Variants in MTRR observed in about 807,000 individuals in gnomAD.
The protein encoded by MTRR is 5-methyltetrahydrofolate-homocysteine methyltransferase reductase, also known as methionine synthase reductase.
Under a neutral mutation model 79.2 loss-of-function variants are expected in MTRR, and 63 were observed. That is an observed-to-expected ratio of 0.80 (90% confidence interval 0.65 to 0.98). MTRR has a LOEUF of 0.98. Among genes scored for constraint, MTRR ranks in the 50% least tolerant of loss-of-function variants. The probability of loss-of-function intolerance (pLI) is 0.00; values close to 1 mark genes in which losing one functional copy is unlikely to be tolerated. For synonymous variants in MTRR, 355 were observed against 313.3 expected (o/e 1.13, Z -1.41); for missense variants, 895 against 839.6 (o/e 1.07, Z -0.82).
At position 7,869,182 on chromosome 5, in the gene MTRR, T is replaced by C. The variant is rs746544258; in HGVS notation, c.-59T>C. On this transcript the variant is annotated 5_prime_UTR_variant, in exon 1 of 15. Coordinates refer to ENST00000440940, the MANE Select transcript of MTRR (RefSeq NM_002454.3). The stretch of plus-strand genomic sequence containing the variant: ...TGGCGCAAGGTTGGTGGAAGTCGCG[T>C]TGTGCAGGTTCGTGCCCGGCTGGCG... 2 of 1,611,416 alleles carry C rather than the reference T, an allele frequency of 1.2e-6. No homozygotes were observed. Among genetic ancestry groups the C allele is most frequent in the South Asian group, 1.1e-5 (1 of 91,086 alleles).
rs771134314 is a variant in MTRR at position 7,861,612 on chromosome 5, T to C, written n.392-339T>C. The C allele has an allele frequency of 1.4e-5, 22 of 1,606,816 alleles. No homozygotes were observed. In the South Asian group the frequency reaches 2.5e-4, roughly 18 times the overall value. ...TATGGATATCTTCATTAGCTGTGGA[T>C]GGCAATACAAATCCTTCTTCATCTA... On this transcript the variant is annotated intron_variant and non_coding_transcript_variant, in intron 1 of 3. Transcript: ENST00000502509.
At chr5:7,854,832 A>G (rs894372348) in intron 1 of MTRR, among the ~76,000 whole-genome samples, 1 of 152,170 alleles carries the variant, frequency 6.6e-6, no homozygotes, top group Non-Finnish European at 1.5e-5. Flanking sequence ...TTGGAGTTTG[A>G]TGTTCAAGGG....
intron 1 of MTRR, 27 bp downstream of exon 1, chr5:7,869,242 C>G (rs771332169): frequency 8.7e-6 from 14 of 1,601,434 alleles, no homozygotes; most frequent in Non-Finnish European, 1.2e-5. Flanking sequence ...CTACGGTTCC[C>G]GGATTCCGGC....
intron 9 of MTRR, among the ~76,000 whole-genome samples, chr5:7,889,755 C>G (rs904755992): frequency 1.3e-5 from 2 of 152,132 alleles, no homozygotes; most frequent in African/African-American, 4.8e-5. Context: ...CAGAAATGCC[C>G]CCATCTGAGC....
At chr5:7,872,391 T>C (rs765226206) in intron 2 of MTRR, 46 of 336,954 alleles carry the variant, frequency 1.4e-4, no homozygotes, top group South Asian at 3.9e-4. Context: ...AGTTTATAGC[T>C]CAGCTTATAG....
At chr5:7,887,793 CATATATATATATATATAT>C (rs372829698) in intron 8 of MTRR, among the ~76,000 whole-genome samples, 39 of 92,046 alleles carry the variant, frequency 4.2e-4, no homozygotes, top group East Asian at 1.3e-3. Flanking sequence ...TGTGTGTGTG[CATATATATATATATATAT>C]ATATATATAT....
chr5:7,899,272 A>T (rs571212762), intron 14 of MTRR, among the ~76,000 whole-genome samples: 1 of 152,272 alleles, frequency 6.6e-6, no homozygotes, highest in East Asian at 1.9e-4. Flanking sequence ...ATCAGAGGAT[A>T]AGTGAGTTAC....
chr5:7,873,169 C>T (rs1037222557), intron 2 of MTRR, among the ~76,000 whole-genome samples: 4 of 152,158 alleles, frequency 2.6e-5, no homozygotes, highest in East Asian at 3.9e-4. Context: ...ACAAAACAGA[C>T]GCATGGTTTC....
chr5:7,872,902 A>G (rs1748231908), intron 2 of MTRR, among the ~76,000 whole-genome samples: 2 of 152,126 alleles, frequency 1.3e-5, no homozygotes, highest in South Asian at 2.1e-4. Context: ...TTGGCAGCTC[A>G]TCACAGTGCC....
chr5:7,885,597 A>G, intron 6 of MTRR, 104 bp from the exon 7 acceptor site: 1 of 1,095,936 alleles, frequency 9.1e-7, no homozygotes, highest in African/African-American at 1.6e-5. Context: ...CTGAGTTCAC[A>G]TATTAAAATC....
At chr5:7,858,217 AAGG>A (rs1432829399) in intron 1 of MTRR, among the ~76,000 whole-genome samples, 2 of 152,322 alleles carry the variant, frequency 1.3e-5, no homozygotes, top group Middle Eastern at 3.4e-3. Context: ...TATTAGCTGC[AAGG>A]AGGTGTGAAA....
chr5:7,855,179 A>G (rs1746203819), intron 1 of MTRR, among the ~76,000 whole-genome samples: 1 of 152,176 alleles, frequency 6.6e-6, no homozygotes, highest in Admixed American at 6.5e-5. Context: ...TCATACGTGG[A>G]CTTTGGATCC....
upstream of MTRR, chr5:7,868,199 GGAAAAA>G: frequency 8.6e-5 from 15 of 174,808 alleles, no homozygotes; most frequent in Middle Eastern, 1.5e-3. Context: ...ACGAGTATCT[GGAAAAA>G]AAAAAAAAAA....
At position 7,892,960 on chromosome 5, in the gene MTRR, T is replaced by G. The variant is rs41282643; in HGVS notation, c.1557+47T>G. On this transcript the variant is annotated intron_variant, in intron 11 of 14. Coordinates refer to ENST00000440940, the MANE Select transcript of MTRR (RefSeq NM_002454.3). Reference sequence around the variant, plus strand: ...CTCAGCATTGTTAACTCATACTCTTTGTTTCATTAGAAAAAACAGTGTTGT... The same window carrying G: ...CTCAGCATTGTTAACTCATACTCTTGGTTTCATTAGAAAAAACAGTGTTGT... 0.015 allele frequency: 23,991 copies of G among 1,566,192 alleles called. 232 individuals are homozygous for G. Among genetic ancestry groups the G allele is most frequent in the Non-Finnish European group, 0.018 (20,632 of 1,146,566 alleles).
intron 10 of MTRR, 119 bp downstream of exon 10, chr5:7,891,533 C>T: frequency 1.3e-6 from 1 of 779,880 alleles, no homozygotes; most frequent in Non-Finnish European, 2.2e-6. Flanking sequence ...TTATGGAAGA[C>T]AGTACCAGGC....
At chr5:7,889,755 C>T (rs904755992) in intron 9 of MTRR, among the ~76,000 whole-genome samples, 3 of 152,132 alleles carry the variant, frequency 2.0e-5, no homozygotes, top group African/African-American at 7.2e-5. Context: ...CAGAAATGCC[C>T]CCATCTGAGC....
intron 2 of MTRR, among the ~76,000 whole-genome samples, chr5:7,873,122 G>T (rs1371342519): frequency 6.6e-6 from 1 of 152,180 alleles, no homozygotes; most frequent in Admixed American, 6.5e-5. Flanking sequence ...TGAAGAGAAA[G>T]ACGTGTTAAT....
intron 2 of MTRR, chr5:7,862,961 A>G: frequency 6.2e-7 from 1 of 1,614,032 alleles, no homozygotes; most frequent in Non-Finnish European, 8.5e-7. Context: ...GGGGTAAGAA[A>G]TGACTTCACT....
At chr5:7,867,914 A>T, upstream of MTRR, 12 of 1,614,176 alleles carry the variant, frequency 7.4e-6, no homozygotes, top group Non-Finnish European at 7.6e-6. Context: ...GGCATGATGG[A>T]ATTTGACCCC....
Sources: gnomAD v4.1 joint callset for allele counts (sites outside exome capture counted in the v4.1 genomes callset) on GRCh38, gnomAD v4.1.1 for gene constraint, MANE v1.5 for transcripts, NCBI Gene and HGNC (gene_info 2026-07-23, HGNC 2026-07-21) for gene names.